The following EXD3 variants were observed in gnomAD, a reference collection of about 807,000 sequenced individuals.
The protein encoded by EXD3 is exonuclease mut-7 homolog.
Under a neutral mutation model 98.0 loss-of-function variants are expected in EXD3, and 92 were observed. The observed-to-expected ratio is 0.94, with a 90% confidence interval of 0.79 to 1.12. The LOEUF is 1.12. Ranked by LOEUF, EXD3 falls within the 50% of genes most tolerant of loss-of-function variation. EXD3 has a pLI of 0.00. For synonymous variants in EXD3, 569 were observed against 526.0 expected (o/e 1.08, Z -1.12); for missense variants, 1,222 against 1,191.6 (o/e 1.03, Z -0.38).
At chr9:137,312,158 C>T (rs367632636) in intron 19 of EXD3, among the ~76,000 whole-genome samples, 2 of 152,148 alleles carry the variant, frequency 1.3e-5, no homozygotes, top group South Asian at 2.1e-4. Context: ...TGGGGCCTGA[C>T]GGGGACCCTG....
chr9:137,346,238 C>CAAAAAAAAAAAAAAAAAAAAAA lies in EXD3; in HGVS notation c.1998+1811_1998+1832dup, dbSNP rs563761495. 2.4e-3 allele frequency among the ~76,000 whole-genome samples: 33 copies of CAAAAAAAAAAAAAAAAAAAAAA among 13,614 alleles called. 3 individuals are homozygous for CAAAAAAAAAAAAAAAAAAAAAA. The highest frequency in any genetic ancestry group is 4.8e-3 in the Admixed American group (4 of 826). The allele number at this position is 13,614 out of a possible 152,430, so 8.9% of individuals were successfully genotyped here. On this transcript the variant is annotated intron_variant, in intron 17 of 21. Coordinates refer to ENST00000340951, the MANE Select transcript of EXD3 (RefSeq NM_017820.5). ...TGGGAGACAGAGCAAGACTCCGTCTCAAAAAAAAAAAAAAAAAAAAAAAAA... is the reference window on the plus strand; with the variant it reads ...TGGGAGACAGAGCAAGACTCCGTCTCAAAAAAAAAAAAAAAAAAAAAAAAAAAAAAAAAAAAAAAAAAAAAAA...
rs181469727 is a variant in EXD3 at position 137,361,278 on chromosome 9, C to T, written c.657-4910G>A. Among the ~76,000 whole-genome samples the T allele has an allele frequency of 2.3e-5, 2 of 87,132 alleles. 1 individual carries two copies. Among genetic ancestry groups the T allele is most frequent in the East Asian group, 1.5e-3 (2 of 1,316 alleles). The allele number at this position is 87,132 out of a possible 152,430, so 57.2% of individuals were successfully genotyped here. A position where few individuals can be genotyped will look rare whatever the true frequency, so the allele number is the denominator to read the frequency against. ...ATTCGCCCAAGTAAAGAGCACCCTG[C>T]GTGTGAGGAACTCACACAAAGCAGA... On this transcript the variant is annotated intron_variant, in intron 7 of 21. Coordinates refer to ENST00000340951, the MANE Select transcript of EXD3 (RefSeq NM_017820.5).
At chr9:137,320,474 G>A (rs1831972822) in intron 19 of EXD3, among the ~76,000 whole-genome samples, 1 of 152,214 alleles carries the variant, frequency 6.6e-6, no homozygotes, top group Non-Finnish European at 1.5e-5. Flanking sequence ...TCTACCTGCA[G>A]CCCCCCTGGG....
intron 1 of EXD3, among the ~76,000 whole-genome samples, chr9:137,404,500 A>G (rs1470677326): frequency 6.6e-6 from 1 of 152,242 alleles, no homozygotes; most frequent in Non-Finnish European, 1.5e-5. Flanking sequence ...CTATAAAGGC[A>G]ATTATGCATG....
At chr9:137,322,945 A>G (rs1183928170) in intron 19 of EXD3, among the ~76,000 whole-genome samples, 2 of 5,166 alleles carry the variant, frequency 3.9e-4, no homozygotes, top group Non-Finnish European at 3.9e-4. Flanking sequence ...CCCACCCCGG[A>G]CCCACGAGGG....
intron 7 of EXD3, chr9:137,365,813 A>G: frequency 2.9e-6 from 1 of 348,780 alleles, no homozygotes; most frequent in Non-Finnish European, 5.6e-6. Context: ...ACATGTACAC[A>G]TCATATGCAC....
chr9:137,333,831 TTTTTC>T (rs1013045856), intron 17 of EXD3, among the ~76,000 whole-genome samples: 23 of 152,018 alleles, frequency 1.5e-4, no homozygotes, highest in African/African-American at 4.8e-4. Flanking sequence ...GGTATTTCTT[TTTTTC>T]TTTTCTTTTC....
rs531794122 is a variant in EXD3, at chr9:137,306,899, G to A, written c.*51C>T. 9 of 1,499,968 alleles carry A rather than the reference G, an allele frequency of 6.0e-6. No homozygotes were observed. The highest frequency in any genetic ancestry group is 4.0e-4 in the Middle Eastern group (2 of 4,952). The allele number at this position is 1,499,968 out of a possible 1,614,324, so 92.9% of individuals were successfully genotyped here. ...GCATGAAACATGTGAGCCAGTCCAC[G>A]GCCATGGGCCCAGCAGTCGGGCACT... On this transcript the variant is annotated 3_prime_UTR_variant, in exon 22 of 22. Coordinates refer to ENST00000340951, the MANE Select transcript of EXD3 (RefSeq NM_017820.5).
At chr9:137,369,053 G>A (rs1208643688) in intron 5 of EXD3, among the ~76,000 whole-genome samples, 1 of 138,694 alleles carries the variant, frequency 7.2e-6, no homozygotes, top group Non-Finnish European at 1.6e-5. Context: ...GGGAAGGGAC[G>A]CAGGACCCGG....
In EXD3 at chr9:137,347,697, G is replaced by A. The variant is rs1564496876; in HGVS notation, c.1998+374C>T. The stretch of plus-strand genomic sequence containing the variant: ...GGCCTCAAGTGATCCACCCACCTCG[G>A]CCTCCCAAGGTGCTGGGATTATAGG... On this transcript the variant is annotated intron_variant, in intron 17 of 21. Coordinates refer to ENST00000340951, the MANE Select transcript of EXD3 (RefSeq NM_017820.5). The surrounding 1 kb of genome is among the most constrained non-coding windows in gnomAD (Gnocchi z 4.2). Among the ~76,000 whole-genome samples the A allele has an allele frequency of 1.3e-5, 2 of 152,070 alleles. No homozygotes were observed. The highest frequency in any genetic ancestry group is 6.6e-5 in the Admixed American group (1 of 15,244).
intron 16 of EXD3, among the ~76,000 whole-genome samples, chr9:137,348,660 G>C (rs1286325481): frequency 1.1e-5 from 1 of 87,676 alleles, no homozygotes; most frequent in Non-Finnish European, 2.3e-5. Flanking sequence ...GGGCTAGATA[G>C]AGAGGGGTGG....
In EXD3 at chr9:137,368,115, G is replaced by A. The variant is rs1416371577; in HGVS notation, c.463-126C>T. 3.5e-5 allele frequency: 27 copies of A among 765,402 alleles called. 1 individual carries two copies. The highest frequency in any genetic ancestry group is 2.0e-4 in the Admixed American group (8 of 39,766). The allele number at this position is 765,402 out of a possible 1,614,324, so 47.4% of individuals were successfully genotyped here. On this transcript the variant is annotated intron_variant, in intron 5 of 21. Coordinates refer to ENST00000340951, the MANE Select transcript of EXD3 (RefSeq NM_017820.5). ...TGAGGCCGGAGTGCAGGGCCTTCCC[G>A]TGTTCAGCCACGTGGCCCTCAGGCC...
Position 137,385,799 on chromosome 9 carries a change from G to A in EXD3, c.56-2422C>T, listed in dbSNP as rs1043988604. 6.6e-6 allele frequency among the ~76,000 whole-genome samples: 1 copy of A among 152,022 alleles called. No individual in the cohort carries two copies. The highest frequency in any genetic ancestry group is 1.5e-5 in the Non-Finnish European group (1 of 68,008). On this transcript the variant is annotated intron_variant, in intron 2 of 21. Transcript: ENST00000340951. This position sits in a 1 kb window ranked among gnomAD's most constrained non-coding sequence, Gnocchi z 4.4. ...TCCGTCCACCTCGGCCTCCCAAAGTGCTGGGATGACAGGCGTGAGCCACCG... is the reference window on the plus strand; with the variant it reads ...TCCGTCCACCTCGGCCTCCCAAAGTACTGGGATGACAGGCGTGAGCCACCG...
At chr9:137,401,315 G>A (rs1192704199) in intron 1 of EXD3, among the ~76,000 whole-genome samples, 2 of 152,006 alleles carry the variant, frequency 1.3e-5, no homozygotes, top group Non-Finnish European at 2.9e-5. Context: ...CACCACACCC[G>A]ACTAAATATT....
intron 1 of EXD3, among the ~76,000 whole-genome samples, chr9:137,420,034 C>T (rs191763740): frequency 6.6e-5 from 10 of 152,148 alleles, no homozygotes; most frequent in Admixed American, 5.9e-4. Context: ...GTGGCAGGTG[C>T]CTGTAGTCCC....
At chr9:137,362,777 G>T (rs1346703621) in intron 7 of EXD3, among the ~76,000 whole-genome samples, 2 of 152,036 alleles carry the variant, frequency 1.3e-5, no homozygotes, top group South Asian at 4.2e-4. Flanking sequence ...TTTTCTCCCA[G>T]TCTGTTGGTG....
intron 10 of EXD3, 189 bp downstream of exon 10, chr9:137,354,150 G>T: frequency 7.0e-7 from 1 of 1,426,950 alleles, no homozygotes; most frequent in Non-Finnish European, 9.2e-7. Context: ...CTCGGCTCCC[G>T]CTCAGGCCTC....
chr9:137,324,210 C>T lies in EXD3; in HGVS notation c.1999-67G>A. ...GTGCTCCTGGACTGGGCCACCTCTG[C>T]TCGCCACCCCCTAGCTCCCCGGATC... On this transcript the variant is annotated intron_variant, in intron 17 of 21. Coordinates refer to ENST00000340951, the MANE Select transcript of EXD3 (RefSeq NM_017820.5). The surrounding 1 kb of genome is among the most constrained non-coding windows in gnomAD (Gnocchi z 4.1). The T allele has an allele frequency of 7.3e-7, 1 of 1,364,018 alleles. No individual in the cohort carries two copies. The highest frequency in any genetic ancestry group is 2.5e-5 in the East Asian group (1 of 39,980). 84.5% of individuals were successfully genotyped at this position (1,364,018 alleles called of 1,614,324 possible). A position where few individuals can be genotyped will look rare whatever the true frequency, so the allele number is the denominator to read the frequency against.
chr9:137,352,956 G>T lies in EXD3; in HGVS notation c.871-170C>A, dbSNP rs74488676. 504 of 1,415,236 alleles carry T rather than the reference G, an allele frequency of 3.6e-4. 6 individuals are homozygous for T. The East Asian group carries it at 0.012, about 35-fold the overall frequency. 87.7% of individuals were successfully genotyped at this position (1,415,236 alleles called of 1,614,324 possible). ...AGCATCTGTCCTGCCTGAGGTCAAG[G>T]TTCCACAGGACCAAAGCGGCTGAGA... On this transcript the variant is annotated intron_variant, in intron 10 of 21. Transcript: ENST00000340951.
Sources: allele counts gnomAD v4.1 joint callset (sites outside exome capture counted in the v4.1 genomes callset), GRCh38; gene constraint gnomAD v4.1.1; non-coding constraint Gnocchi (gnomAD v3.1); transcripts MANE v1.5; gene names NCBI Gene and HGNC (gene_info 2026-07-23, HGNC 2026-07-21).